SEC24A: variants seen among roughly 807,000 people sequenced by gnomAD.
SEC24A encodes protein transport protein Sec24A.
A neutral mutation model predicts 129.4 loss-of-function variants in SEC24A; 93 were observed. The observed-to-expected ratio is 0.72, with a 90% confidence interval of 0.61 to 0.85. The LOEUF is 0.85. Among genes scored for constraint, SEC24A ranks in the 40% least tolerant of loss-of-function variants. The probability of loss-of-function intolerance (pLI) is 0.00; values close to 1 mark genes in which losing one functional copy is unlikely to be tolerated. For synonymous variants in SEC24A, 460 were observed against 467.3 expected, an observed-to-expected ratio of 0.98 and a Z score of 0.20; for missense variants, 1,264 against 1,307.4, an observed-to-expected ratio of 0.97 and a Z score of 0.51.
intron 20 of SEC24A, among the ~76,000 whole-genome samples, chr5:134,718,799 C>G (rs1441831676): frequency 6.6e-6 from 1 of 151,812 alleles, no homozygotes; most frequent in African/African-American, 2.4e-5. Flanking sequence ...TGGTGAAAAT[C>G]TCTACTAAAA....
Position 134,659,899 on chromosome 5 carries a change from C to T in SEC24A, c.98-1220C>T, listed in dbSNP as rs987078543. 5.9e-5 allele frequency among the ~76,000 whole-genome samples: 9 copies of T among 152,050 alleles called. No homozygotes were observed. In the East Asian group the frequency reaches 1.5e-3, roughly 26 times the overall value. On this transcript the variant is annotated intron_variant, in intron 1 of 22. Coordinates refer to ENST00000398844, the MANE Select transcript of SEC24A (RefSeq NM_021982.3). ...AACTCCTGAGCTCAAGCTATCTGCC[C>T]GCCTTGGCCTCCCAAAGTGTTGGGA... is the stretch of plus-strand genomic sequence containing the variant.
chr5:134,657,981 A>G (rs1750304388), intron 1 of SEC24A, among the ~76,000 whole-genome samples: 1 of 152,320 alleles, frequency 6.6e-6, no homozygotes, highest in African/African-American at 2.4e-5. Context: ...AAAAATATCA[A>G]CATATGGCTG....
intron 18 of SEC24A, among the ~76,000 whole-genome samples, chr5:134,713,988 G>C (rs887001582): frequency 1.3e-5 from 2 of 151,762 alleles, no homozygotes; most frequent in Non-Finnish European, 1.5e-5. Context: ...GTTGCAGTGA[G>C]CAGAGATCAA....
At chr5:134,654,279 G>C (rs544653820) in intron 1 of SEC24A, among the ~76,000 whole-genome samples, 5 of 151,906 alleles carry the variant, frequency 3.3e-5, no homozygotes, top group Non-Finnish European at 7.4e-5. Flanking sequence ...GGAGTGCAGT[G>C]GTGCAGATCT....
Position 134,679,732 on chromosome 5 carries a change from T to G in SEC24A, c.1381+4T>G, listed in dbSNP as rs1024401033. The G allele has an allele frequency of 1.0e-5, 16 of 1,566,026 alleles. No homozygotes were observed. The Admixed American group carries it at 2.8e-4, about 27-fold the overall frequency. On this transcript the variant is annotated splice_donor_region_variant and intron_variant, in intron 8 of 22. Coordinates refer to ENST00000398844, the MANE Select transcript of SEC24A (RefSeq NM_021982.3). ...TTATGTTATCGAGTCAATGATGGTA[T>G]GGGATGCTTTTTTGAAACATTTAAA... is the stretch of plus-strand genomic sequence containing the variant.
intron 12 of SEC24A, chr5:134,693,138 C>T (rs1751713926): frequency 6.5e-7 from 1 of 1,535,444 alleles, no homozygotes; most frequent in Non-Finnish European, 8.7e-7. Flanking sequence ...GGGATGTTGT[C>T]TACCCTGTAC....
At chr5:134,703,548 G>A (rs768972924) in intron 15 of SEC24A, among the ~76,000 whole-genome samples, 5 of 152,116 alleles carry the variant, frequency 3.3e-5, no homozygotes, top group Admixed American at 2.0e-4. Flanking sequence ...GATTACAGGC[G>A]TGAGCTACCG....
intron 15 of SEC24A, among the ~76,000 whole-genome samples, chr5:134,699,301 C>CGTTTTTTTTTTTTTTTTTTTTT (rs1429369613): frequency 2.0e-4 from 28 of 138,368 alleles, no homozygotes; most frequent in African/African-American, 6.4e-4. Flanking sequence ...CCATTTTATC[C>CGTTTTTTTTTTTTTTTTTTTTT]TTTTTTTTTT....
chr5:134,696,428 A>G (rs1187708873), intron 13 of SEC24A, among the ~76,000 whole-genome samples: 1 of 152,136 alleles, frequency 6.6e-6, no homozygotes, highest in Non-Finnish European at 1.5e-5. Flanking sequence ...TTTACCAACT[A>G]TGAAATTATT....
chr5:134,652,690 C>T (rs1750101133), intron 1 of SEC24A, among the ~76,000 whole-genome samples: 1 of 152,188 alleles, frequency 6.6e-6, no homozygotes, highest in Non-Finnish European at 1.5e-5. Flanking sequence ...CAGGTTCAAG[C>T]GATTCTCCTG....
intron 1 of SEC24A, among the ~76,000 whole-genome samples, chr5:134,654,215 A>AT (rs1750162260): frequency 6.6e-6 from 1 of 151,368 alleles, no homozygotes; most frequent in South Asian, 2.1e-4. Context: ...TTTCAAAAAA[A>AT]AAAAATATAT....
intron 15 of SEC24A, among the ~76,000 whole-genome samples, chr5:134,702,152 T>C (rs186601753): frequency 8.1e-4 from 123 of 152,234 alleles, no homozygotes; most frequent in Admixed American, 1.9e-3. Context: ...AGACACACAT[T>C]CTCCTTTTTC....
At chr5:134,693,615 A>AT (rs1751730289) in intron 12 of SEC24A, 112 bp from the exon 13 acceptor site, 1 of 1,461,130 alleles carries the variant, frequency 6.8e-7, no homozygotes, top group Non-Finnish European at 9.0e-7. Context: ...GTGTCTGTAG[A>AT]TTCTCTGACC....
chr5:134,720,894 C>G, intron 20 of SEC24A, 104 bp from the exon 21 acceptor site: 1 of 590,626 alleles, frequency 1.7e-6, no homozygotes, highest in South Asian at 2.3e-5. Flanking sequence ...AGAGTGAGAC[C>G]CTATCTCACA....
At chr5:134,694,029 T>C in intron 13 of SEC24A, 96 bp downstream of exon 13, 1 of 1,006,772 alleles carries the variant, frequency 9.9e-7, no homozygotes, top group South Asian at 1.6e-5. Context: ...TTGTCAATTG[T>C]TGGGAGGAGG....
At chr5:134,695,941 T>G (rs1186063849) in intron 13 of SEC24A, among the ~76,000 whole-genome samples, 1 of 117,242 alleles carries the variant, frequency 8.5e-6, no homozygotes, top group Non-Finnish European at 1.7e-5. Context: ...TGAGACTCTG[T>G]CTCAAAAAAA....
rs749627938 is a variant in SEC24A, at chr5:134,666,804, A to C, written c.566-19A>C. 9 of 1,613,206 alleles carry C rather than the reference A, an allele frequency of 5.6e-6. No homozygotes were observed. The highest frequency in any genetic ancestry group is 7.6e-6 in the Non-Finnish European group (9 of 1,179,448). Reference sequence around the variant, plus strand: ...TCTTGAGTTCTCAAGTGACGTGTGAAAAACCAATGTTTCCATAGGTCCTTC... The same window carrying C: ...TCTTGAGTTCTCAAGTGACGTGTGACAAACCAATGTTTCCATAGGTCCTTC... On this transcript the variant is annotated intron_variant, in intron 2 of 22. Transcript: ENST00000398844.
At chr5:134,682,649 A>G (rs1393439980) in intron 9 of SEC24A, among the ~76,000 whole-genome samples, 167 bp downstream of exon 9, 1 of 152,146 alleles carries the variant, frequency 6.6e-6, no homozygotes, top group Non-Finnish European at 1.5e-5. Context: ...TTCAAGGCTC[A>G]CTGCAGCCTC....
At position 134,708,755 on chromosome 5, in the gene SEC24A, A is replaced by T. The variant is rs894146851; in HGVS notation, c.2594A>T (p.Asp865Val). Reference protein sequence around the residue: ...SMTASLSDARDALVNAVIDSL... With the variant: ...SMTASLSDARVALVNAVIDSL... ...ACTGCCAGTCTGAGTGACGCTCGGG[A>T]TGCTCTAGTGAATGCAGTCATTGAC... The change falls in exon 18 of 23, where the codon GAT becomes GTT. Residue 865 changes from aspartate (D) to valine (V), a missense_variant. By Grantham distance (152) the Asp-to-Val change is radical. Transcript: ENST00000398844. 1.2e-6 allele frequency: 2 copies of T among 1,614,070 alleles called. No individual in the cohort carries two copies. The highest frequency in any genetic ancestry group is 8.5e-7 in the Non-Finnish European group (1 of 1,180,020).
Sources: gnomAD v4.1 joint callset for allele counts (sites outside exome capture counted in the v4.1 genomes callset) on GRCh38, gnomAD v4.1.1 for gene constraint, MANE v1.5 for transcripts, NCBI Gene and HGNC (gene_info 2026-07-23, HGNC 2026-07-21) for gene names.